Variants in GRIN2A observed in about 807,000 individuals in gnomAD.
The protein encoded by GRIN2A is glutamate ionotropic receptor NMDA type subunit 2A.
In GRIN2A, 22 loss-of-function variants were observed where a neutral mutation model predicts 113.4. That is an observed-to-expected ratio of 0.19 (90% CI 0.14 to 0.28). GRIN2A has a LOEUF of 0.28. Among genes scored for constraint, GRIN2A ranks in the 10% least tolerant of loss-of-function variants. The probability of loss-of-function intolerance (pLI) is 1.00; values close to 1 mark genes in which losing one functional copy is unlikely to be tolerated. For synonymous variants in GRIN2A, 827 were observed against 738.4 expected (o/e 1.12, Z -1.94); for missense variants, 1,502 against 1,887.0 (o/e 0.80, Z 3.78).
At chr16:10,113,654 A>G (rs2048670222) in intron 2 of GRIN2A, among the ~76,000 whole-genome samples, 1 of 152,240 alleles carries the variant, frequency 6.6e-6, no homozygotes, top group South Asian at 2.1e-4. Context: ...CTGCATGTAT[A>G]AATTGTGTGC....
chr16:10,150,883 G>A (rs891531346), intron 2 of GRIN2A, among the ~76,000 whole-genome samples: 1 of 152,176 alleles, frequency 6.6e-6, no homozygotes, highest in Non-Finnish European at 1.5e-5. Flanking sequence ...CCTGATGGTA[G>A]AGATCATGTC....
intron 3 of GRIN2A, among the ~76,000 whole-genome samples, chr16:9,908,408 G>GT (rs1341120771): frequency 8.0e-6 from 1 of 124,490 alleles, no homozygotes; most frequent in African/African-American, 3.5e-5. Flanking sequence ...AAAGAATATA[G>GT]CTTTTTTTTC....
At chr16:10,055,101 GAAAGAAA>G (rs1444863714) in intron 2 of GRIN2A, among the ~76,000 whole-genome samples, 57 of 36,478 alleles carry the variant, frequency 1.6e-3, no homozygotes, top group Non-Finnish European at 2.3e-3. Context: ...AAGAAAGAAA[GAAAGAAA>G]AAAGAAAAAA....
chr16:10,122,922 C>A (rs79733229), intron 2 of GRIN2A, among the ~76,000 whole-genome samples: 1,835 of 152,198 alleles, frequency 0.012, 43 homozygotes, highest in African/African-American at 0.042. Flanking sequence ...CATTTATAAG[C>A]TGGGAAAGGT....
intron 2 of GRIN2A, among the ~76,000 whole-genome samples, chr16:9,954,144 A>G (rs1007574431): frequency 2.0e-5 from 3 of 152,190 alleles, no homozygotes; most frequent in Non-Finnish European, 4.4e-5. Flanking sequence ...ATAACTCCCT[A>G]CATGCTAAAG....
chr16:9,869,595 G>C (rs1323727419), intron 4 of GRIN2A, among the ~76,000 whole-genome samples: 1 of 152,130 alleles, frequency 6.6e-6, no homozygotes, highest in Non-Finnish European at 1.5e-5. Flanking sequence ...TGAATTCCCA[G>C]CTCTTCTGCT....
At chr16:10,064,981 G>A (rs578202321) in intron 2 of GRIN2A, among the ~76,000 whole-genome samples, 33 of 152,086 alleles carry the variant, frequency 2.2e-4, no homozygotes, top group Admixed American at 6.5e-4. Context: ...AGAATACACC[G>A]TAACGTGGAG....
intron 2 of GRIN2A, among the ~76,000 whole-genome samples, chr16:9,939,068 C>G (rs1307296791): frequency 6.6e-6 from 1 of 152,176 alleles, no homozygotes; most frequent in African/African-American, 2.4e-5. Context: ...GGGTTTCTGT[C>G]ACTTGAACAT....
At chr16:10,057,063 A>T (rs191969236) in intron 2 of GRIN2A, among the ~76,000 whole-genome samples, 1 of 151,682 alleles carries the variant, frequency 6.6e-6, no homozygotes, top group African/African-American at 2.4e-5. Flanking sequence ...CATCCACCCA[A>T]TTCCCCATTC....
intron 2 of GRIN2A, among the ~76,000 whole-genome samples, chr16:10,002,366 T>C (rs891882918): frequency 5.3e-5 from 8 of 152,070 alleles, no homozygotes; most frequent in Non-Finnish European, 1.2e-4. Flanking sequence ...GAAGACATAA[T>C]AGATGAAACA....
chr16:9,949,659 AGATGGATGGACAGATG>A (rs1018337712), intron 2 of GRIN2A, among the ~76,000 whole-genome samples: 4 of 149,384 alleles, frequency 2.7e-5, no homozygotes, highest in African/African-American at 9.9e-5. Flanking sequence ...ACAGATGGAC[AGATGGATGGACAGATG>A]GATGGATGGA....
intron 2 of GRIN2A, among the ~76,000 whole-genome samples, chr16:10,054,587 T>C (rs771733358): frequency 7.9e-5 from 12 of 152,248 alleles, no homozygotes; most frequent in Non-Finnish European, 1.5e-4. Flanking sequence ...AAAGATGTTC[T>C]GTGTTTCGTT....
At chr16:10,100,499 T>C (rs1023991043) in intron 2 of GRIN2A, among the ~76,000 whole-genome samples, 5 of 152,196 alleles carry the variant, frequency 3.3e-5, no homozygotes, top group African/African-American at 9.6e-5. Flanking sequence ...ATCTGTAAAC[T>C]GGGAGTAATA....
chr16:10,111,675 G>C lies in GRIN2A; in HGVS notation c.414+68323C>G, dbSNP rs918769687. The C allele has an allele frequency of 1.1e-5, 17 of 1,569,878 alleles. 1 individual carries two copies. In the South Asian group the frequency reaches 1.6e-4, roughly 14 times the overall value. On this transcript the variant is annotated intron_variant, in intron 2 of 12. Transcript: ENST00000330684. The stretch of plus-strand genomic sequence containing the variant: ...TCATTCACCACAACTGCACCCCAGA[G>C]TTCCAGGCCAACGAGGTGCATAAGG...
chr16:10,107,321 C>A (rs1035857115), intron 2 of GRIN2A, among the ~76,000 whole-genome samples: 1 of 152,150 alleles, frequency 6.6e-6, no homozygotes, highest in African/African-American at 2.4e-5. Flanking sequence ...CTGTCTCCCC[C>A]AAAGGAAACC....
intron 4 of GRIN2A, among the ~76,000 whole-genome samples, chr16:9,872,081 A>G (rs2043272838): frequency 6.6e-6 from 1 of 152,204 alleles, no homozygotes; most frequent in South Asian, 2.1e-4. Context: ...TCATGCATCT[A>G]AAGTTCTGAC....
chr16:9,898,702 T>C (rs985136391), intron 3 of GRIN2A, among the ~76,000 whole-genome samples: 1 of 151,470 alleles, frequency 6.6e-6, no homozygotes, highest in Non-Finnish European at 1.5e-5. Flanking sequence ...GTTTCTTCGT[T>C]TGTCATTTAA....
intron 2 of GRIN2A, among the ~76,000 whole-genome samples, chr16:10,165,091 G>T (rs899192929): frequency 3.3e-5 from 5 of 152,174 alleles, no homozygotes; most frequent in African/African-American, 1.2e-4. Context: ...AATCTGTGAT[G>T]TAGACATTTC....
chr16:9,903,621 T>C (rs947646573), intron 3 of GRIN2A, among the ~76,000 whole-genome samples: 3 of 152,222 alleles, frequency 2.0e-5, no homozygotes, highest in Non-Finnish European at 4.4e-5. Flanking sequence ...ATCAGGCTTA[T>C]TGGCCACCCC....
Sources: allele counts gnomAD v4.1 joint callset (sites outside exome capture counted in the v4.1 genomes callset), GRCh38; gene constraint gnomAD v4.1.1; transcripts MANE v1.5; gene names NCBI Gene and HGNC (gene_info 2026-07-23, HGNC 2026-07-21).